The following ENKUR variants were observed in gnomAD, a reference collection of about 807,000 sequenced individuals.
The protein encoded by ENKUR is enkurin, TRPC channel interacting protein.
In ENKUR, 19 loss-of-function variants were observed where a neutral mutation model predicts 27.6. The observed-to-expected ratio is 0.69, with a 90% confidence interval of 0.48 to 1.01. ENKUR has a LOEUF of 1.01. Among genes scored for constraint, ENKUR ranks in the 50% least tolerant of loss-of-function variants. The probability of loss-of-function intolerance (pLI) is 0.00; values close to 1 mark genes in which losing one functional copy is unlikely to be tolerated. For synonymous variants in ENKUR, 117 were observed against 96.9 expected, an observed-to-expected ratio of 1.21 and a Z score of -1.22; for missense variants, 312 against 310.5, an observed-to-expected ratio of 1.00 and a Z score of -0.04.
At chr10:25,052,606 A>AT (rs1314926763) in intron 2 of ENKUR, among the ~76,000 whole-genome samples, 10 of 151,996 alleles carry the variant, frequency 6.6e-5, no homozygotes, top group South Asian at 2.1e-4. Flanking sequence ...ATCTCTACAG[A>AT]TTTTTTTAAA....
intron 1 of ENKUR, among the ~76,000 whole-genome samples, chr10:25,014,319 CTTTT>C (rs977642707): frequency 5.3e-5 from 8 of 152,116 alleles, no homozygotes; most frequent in African/African-American, 1.9e-4. Flanking sequence ...AGAAATGATT[CTTTT>C]GGCATCACAT....
chr10:24,994,335 TC>T (rs1287289255), intron 3 of ENKUR, among the ~76,000 whole-genome samples: 1 of 150,560 alleles, frequency 6.6e-6, no homozygotes, highest in Non-Finnish European at 1.5e-5. Context: ...AATTCTGCAC[TC>T]TTTTTTTTTT....
chr10:24,994,765 C>T (rs1012326853), intron 3 of ENKUR, among the ~76,000 whole-genome samples: 3 of 152,002 alleles, frequency 2.0e-5, no homozygotes, highest in African/African-American at 7.3e-5. Context: ...CTTATGTCTG[C>T]AATCCCAGCA....
intron 2 of ENKUR, among the ~76,000 whole-genome samples, chr10:25,027,110 T>C (rs976737864): frequency 6.6e-6 from 1 of 151,786 alleles, no homozygotes; most frequent in Non-Finnish European, 1.5e-5. Flanking sequence ...ATCCCAGCAC[T>C]TTGGGAGGCT....
At chr10:25,025,626 CA>C in intron 2 of ENKUR, 1 of 640,250 alleles carries the variant, frequency 1.6e-6, no homozygotes, top group Non-Finnish European at 2.7e-6. Flanking sequence ...GTCACCTCCT[CA>C]GATCTTTAAT....
At chr10:24,997,807 T>TTATATATATATA (rs58973955) in intron 2 of ENKUR, among the ~76,000 whole-genome samples, 6 of 144,886 alleles carry the variant, frequency 4.1e-5, no homozygotes, top group African/African-American at 1.1e-4. Context: ...CACAAAGGAT[T>TTATATATATATA]TATATATATA....
At chr10:25,056,616 AAATATACC>A (rs1400886028) in intron 2 of ENKUR, among the ~76,000 whole-genome samples, 8 of 152,160 alleles carry the variant, frequency 5.3e-5, no homozygotes, top group Admixed American at 2.0e-4. Context: ...ATTTCAAGGG[AAATATACC>A]TGGAAAGCCA....
rs761700816 is a variant in ENKUR at position 25,023,505 on chromosome 10, C to G, written c.38-27636G>C. ...TGGATGATGATATCCTTGAAAAAAC[C>G]TGGAATATGAGTGTGTCTGAAAAAT... On this transcript the variant is annotated intron_variant, in intron 2 of 5. Coordinates refer to the ENKUR transcript ENST00000615958. 5 of 1,613,840 alleles carry G rather than the reference C, an allele frequency of 3.1e-6. No homozygotes were observed. In the African/African-American group the frequency reaches 4.0e-5, roughly 13 times the overall value.
intron 2 of ENKUR, among the ~76,000 whole-genome samples, chr10:25,047,676 T>C (rs1851135698): frequency 6.6e-6 from 1 of 152,224 alleles, no homozygotes. Flanking sequence ...AAGCCAGATC[T>C]TGAGCTTGAG....
At chr10:25,053,378 C>T (rs1004303073) in intron 2 of ENKUR, among the ~76,000 whole-genome samples, 2 of 152,046 alleles carry the variant, frequency 1.3e-5, no homozygotes, top group Admixed American at 6.6e-5. Flanking sequence ...GCTATGCAAT[C>T]GATCTCAAAA....
At chr10:25,027,303 C>T (rs1197264175) in intron 2 of ENKUR, among the ~76,000 whole-genome samples, 1 of 139,452 alleles carries the variant, frequency 7.2e-6, no homozygotes, top group East Asian at 2.1e-4. Flanking sequence ...TTGCAGTGAG[C>T]CGAAATCGCG....
intron 2 of ENKUR, among the ~76,000 whole-genome samples, chr10:25,049,670 C>T (rs55910423): frequency 6.6e-6 from 1 of 151,548 alleles, no homozygotes; most frequent in South Asian, 2.1e-4. Flanking sequence ...TGCCTGTAAT[C>T]TCAGCTACTT....
At chr10:25,021,090 GA>G (rs1850709619), upstream of ENKUR, among the ~76,000 whole-genome samples, 1 of 152,178 alleles carries the variant, frequency 6.6e-6, no homozygotes, top group African/African-American at 2.4e-5. Context: ...GGTATTCTCT[GA>G]AGGTTTATAA....
At chr10:25,023,273 GT>G (rs1407461189) in intron 2 of ENKUR, 1 of 1,613,852 alleles carries the variant, frequency 6.2e-7, no homozygotes, top group East Asian at 2.2e-5. Context: ...ACACAGAAAT[GT>G]TTTTCTAGTA....
chr10:25,003,959 A>G (rs1850253692), intron 1 of ENKUR, among the ~76,000 whole-genome samples: 1 of 152,206 alleles, frequency 6.6e-6, no homozygotes, highest in Non-Finnish European at 1.5e-5. Flanking sequence ...TAGTTTGCTA[A>G]GGATAATGGC....
chr10:25,054,457 T>TTTTCTTTCTTTCTTTCTTTC (rs55635166), intron 2 of ENKUR, among the ~76,000 whole-genome samples: 29 of 100,940 alleles, frequency 2.9e-4, no homozygotes, highest in African/African-American at 3.7e-4. Flanking sequence ...GTTTTTTCTC[T>TTTTCTTTCTTTCTTTCTTTC]TTTCTTTCTT....
chr10:24,990,660 C>T (rs762744112), intron 3 of ENKUR, 51 bp from the exon 4 acceptor site: 5 of 1,520,868 alleles, frequency 3.3e-6, no homozygotes, highest in Non-Finnish European at 3.6e-6. Flanking sequence ...TGCAATCTTA[C>T]ATATGGGTAC....
intron 3 of ENKUR, among the ~76,000 whole-genome samples, chr10:24,991,066 C>T (rs1318396433): frequency 6.6e-6 from 1 of 152,182 alleles, no homozygotes; most frequent in Admixed American, 6.5e-5. Context: ...CACTGCACTC[C>T]AGCCTGGGTG....
In ENKUR at chr10:25,016,018, T is replaced by C. The variant is rs1341750241; in HGVS notation, c.-82A>G. On this transcript the variant is annotated 5_prime_UTR_variant, in exon 1 of 6. Coordinates refer to ENST00000331161, the MANE Select transcript of ENKUR (RefSeq NM_145010.4). ...GTATCTCCGTCCCTTTCTTCACTGC[T>C]TCCCCTTTCTTTCTTCTTCGCCTTC... 17 of 1,523,376 alleles carry C rather than the reference T, an allele frequency of 1.1e-5. No homozygotes were observed. Among genetic ancestry groups the C allele is most frequent in the Non-Finnish European group, 1.4e-5 (16 of 1,135,472 alleles). The allele number at this position is 1,523,376 out of a possible 1,614,324, so 94.4% of individuals were successfully genotyped here. A position where few individuals can be genotyped will look rare whatever the true frequency, so the allele number is the denominator to read the frequency against.
Sources: allele counts gnomAD v4.1 joint callset (sites outside exome capture counted in the v4.1 genomes callset), GRCh38; gene constraint gnomAD v4.1.1; transcripts MANE v1.5; gene names NCBI Gene and HGNC (gene_info 2026-07-23, HGNC 2026-07-21).